SLC51B: variants seen among roughly 807,000 people sequenced by gnomAD.
SLC51B encodes the protein organic solute transporter subunit beta.
SLC51B carries 6 observed loss-of-function variants against 8.0 expected under a neutral mutation model. The ratio of observed to expected loss-of-function variants is 0.75; its 90% CI spans 0.41 to 1.48. The LOEUF is 1.48. Among genes scored for constraint, SLC51B ranks in the 40% most tolerant of loss-of-function variants. The pLI is 0.01. For synonymous variants in SLC51B, 61 were observed against 54.8 expected (o/e 1.11, Z -0.50); for missense variants, 150 against 149.7 (o/e 1.00, Z -0.01).
chr15:65,050,836 C>CTTTTT (rs57404080), intron 2 of SLC51B, among the ~76,000 whole-genome samples: 37 of 95,628 alleles, frequency 3.9e-4, no homozygotes, highest in Non-Finnish European at 4.5e-4. Flanking sequence ...TCTTCTTCTT[C>CTTTTT]TTTTTTTTTT....
At chr15:65,050,643 C>T (rs2086637321) in intron 2 of SLC51B, among the ~76,000 whole-genome samples, 1 of 152,072 alleles carries the variant, frequency 6.6e-6, no homozygotes, top group South Asian at 2.1e-4. Context: ...GGGGGAGGAA[C>T]ATTCCTGGAG....
In SLC51B at chr15:65,050,008, G is replaced by A; in HGVS notation, c.4G>A (p.Glu2Lys). The change falls in exon 2 of 4, where the codon GAG becomes AAG. Residue 2 changes from glutamate to lysine, a missense_variant. By Grantham distance (56) the Glu-to-Lys change is moderately conservative. Coordinates refer to ENST00000334287, the MANE Select transcript of SLC51B (RefSeq NM_178859.4). The part of the protein sequence containing the change: M[E>K]HSEGAPGDPA... Reference sequence around the variant, plus strand: ...ACACGCTACCAGGAGCAGGGGCATGGAGCACAGTGAGGGGGCTCCCGGAGA... The same window carrying A: ...ACACGCTACCAGGAGCAGGGGCATGAAGCACAGTGAGGGGGCTCCCGGAGA... 1 of 1,551,074 alleles carries A rather than the reference G, an allele frequency of 6.4e-7. No individual in the cohort carries two copies. Among genetic ancestry groups the A allele is most frequent in the South Asian group, 1.2e-5 (1 of 83,948 alleles).
intron 1 of SLC51B, among the ~76,000 whole-genome samples, chr15:65,046,937 C>T (rs1447245567): frequency 1.3e-5 from 2 of 151,700 alleles, no homozygotes; most frequent in African/African-American, 2.4e-5. Context: ...AAAAAAACAC[C>T]ACTCCACTGT....
At chr15:65,051,137 C>T (rs901448057) in intron 2 of SLC51B, among the ~76,000 whole-genome samples, 2 of 152,186 alleles carry the variant, frequency 1.3e-5, no homozygotes, top group Non-Finnish European at 2.9e-5. Flanking sequence ...AGCCACTGAG[C>T]CCAGCCTTCT....
chr15:65,046,930 A>AAACAAAT (rs2086584296), intron 1 of SLC51B, among the ~76,000 whole-genome samples: 1 of 152,052 alleles, frequency 6.6e-6, no homozygotes, highest in Non-Finnish European at 1.5e-5. Flanking sequence ...AAAAAACAAA[A>AAACAAAT]AAACACCACT....
chr15:65,053,279 T>C lies in SLC51B; in HGVS notation c.*115T>C. ...CCAAGAAGCCGCTTTTTTCTTTTTC[T>C]TTCTTTCTTTTTTTTTTTCTTAGCA... On this transcript the variant is annotated 3_prime_UTR_variant, in exon 4 of 4. Transcript: ENST00000334287. 1 of 1,441,586 alleles carries C rather than the reference T, an allele frequency of 6.9e-7. No homozygotes were observed. Among genetic ancestry groups the C allele is most frequent in the South Asian group, 1.5e-5 (1 of 66,968 alleles). 89.3% of individuals were successfully genotyped at this position (1,441,586 alleles called of 1,614,324 possible). A position where few individuals can be genotyped will look rare whatever the true frequency, so the allele number is the denominator to read the frequency against.
intron 3 of SLC51B, among the ~76,000 whole-genome samples, chr15:65,052,371 T>G (rs955930750): frequency 6.7e-6 from 1 of 149,230 alleles, no homozygotes; most frequent in Non-Finnish European, 1.5e-5. Flanking sequence ...GAGGCTTAAG[T>G]GCACACACTA....
chr15:65,050,140 C>A, intron 2 of SLC51B, 39 bp downstream of exon 2: 2 of 1,499,606 alleles, frequency 1.3e-6, no homozygotes, highest in East Asian at 2.5e-5. Context: ...TGGGGGTGTG[C>A]CCCTCAACAC....
intron 1 of SLC51B, chr15:65,049,434 C>T (rs1408017548): frequency 6.6e-6 from 1 of 152,104 alleles, no homozygotes; most frequent in Non-Finnish European, 1.5e-5. Flanking sequence ...TTTCCCTTTT[C>T]TCCTCTCTGT....
At position 65,049,944 on chromosome 15, in the gene SLC51B, G is replaced by A. The variant is rs2086627023; in HGVS notation, c.-61G>A. 6 of 1,370,342 alleles carry A rather than the reference G, an allele frequency of 4.4e-6. No homozygotes were observed. The South Asian group carries it at 7.9e-5, about 18-fold the overall frequency. The allele number at this position is 1,370,342 out of a possible 1,614,324, so 84.9% of individuals were successfully genotyped here. A position where few individuals can be genotyped will look rare whatever the true frequency, so the allele number is the denominator to read the frequency against. ...CAGGGGCCAGAACCGAGGAGGCCAG[G>A]AGGGCTGCTGGGGCTAAGGGGTCTA... On this transcript the variant is annotated 5_prime_UTR_variant, in exon 2 of 4. Transcript: ENST00000334287.
intron 1 of SLC51B, among the ~76,000 whole-genome samples, chr15:65,045,896 T>C (rs2086570699): frequency 1.3e-5 from 2 of 152,276 alleles, no homozygotes; most frequent in Non-Finnish European, 2.9e-5. Flanking sequence ...CCGGGCGCAG[T>C]GGCTCACGCC....
At position 65,046,636 on chromosome 15, in the gene SLC51B, G is replaced by T. The variant is rs548226647; in HGVS notation, c.-109+1054G>T. Among the ~76,000 whole-genome samples the T allele has an allele frequency of 2.6e-5, 4 of 152,296 alleles. No homozygotes were observed. In the South Asian group the frequency reaches 8.3e-4, roughly 32 times the overall value. Reference sequence around the variant, plus strand: ...ACATATTTTAAACATATTTTGGCCAGGCGCGGTGGCTCATGCCTGTAATCC... The same window carrying T: ...ACATATTTTAAACATATTTTGGCCATGCGCGGTGGCTCATGCCTGTAATCC... On this transcript the variant is annotated intron_variant, in intron 1 of 3. Transcript: ENST00000334287.
chr15:65,052,958 C>A lies in SLC51B; in HGVS notation c.189-8C>A. The A allele has an allele frequency of 1.4e-6, 2 of 1,453,762 alleles. No homozygotes were observed. The highest frequency in any genetic ancestry group is 1.9e-6 in the Non-Finnish European group (2 of 1,074,764). 90.1% of individuals were successfully genotyped at this position (1,453,762 alleles called of 1,614,324 possible). A position where few individuals can be genotyped will look rare whatever the true frequency, so the allele number is the denominator to read the frequency against. ...CCCCCTCATTAACACTGTTCCCTGT[C>A]CCCCCAGAAAAGAAAAGATGCAGCC... On this transcript the variant is annotated splice_polypyrimidine_tract_variant and splice_region_variant and intron_variant, in intron 3 of 3. Coordinates refer to ENST00000334287, the MANE Select transcript of SLC51B (RefSeq NM_178859.4).
intron 3 of SLC51B, among the ~76,000 whole-genome samples, chr15:65,052,527 A>G (rs1289913898): frequency 6.6e-6 from 1 of 151,300 alleles, no homozygotes; most frequent in Non-Finnish European, 1.5e-5. Context: ...CAGCCTCCCA[A>G]ATAGCTGCAA....
chr15:65,048,203 A>T (rs1456964034), intron 1 of SLC51B, among the ~76,000 whole-genome samples: 1 of 145,394 alleles, frequency 6.9e-6, no homozygotes, highest in African/African-American at 2.5e-5. Context: ...AAGAAAAAAA[A>T]AAAAGTCTAA....
At chr15:65,050,164 G>A (rs1024562947) in intron 2 of SLC51B, 63 bp downstream of exon 2, 2 of 1,371,948 alleles carry the variant, frequency 1.5e-6, no homozygotes, top group African/African-American at 2.9e-5. Flanking sequence ...GCAGAGTTTG[G>A]CTGAAGGTCC....
At position 65,051,499 on chromosome 15, in the gene SLC51B, G is replaced by C. The variant is rs371669975; in HGVS notation, c.98-16G>C. On this transcript the variant is annotated splice_polypyrimidine_tract_variant and intron_variant, in intron 2 of 3. Transcript: ENST00000334287. ...TGGCCATTCCTCAGGGCTCTGTCCT[G>C]TGTGTCCTTCCCCAGCATCTCCCTG... 73 of 1,612,694 alleles carry C rather than the reference G, an allele frequency of 4.5e-5. No individual in the cohort carries two copies. Among genetic ancestry groups the C allele is most frequent in the Non-Finnish European group, 6.0e-5 (71 of 1,179,128 alleles).
In SLC51B at chr15:65,053,255, C is replaced by G. The variant is rs1439980108; in HGVS notation, c.*91C>G. 6.7e-7 allele frequency: 1 copy of G among 1,501,104 alleles called. No individual in the cohort carries two copies. Among genetic ancestry groups the G allele is most frequent in the African/African-American group, 1.4e-5 (1 of 70,664 alleles). 93.0% of individuals were successfully genotyped at this position (1,501,104 alleles called of 1,614,324 possible). ...ACCTCTCAGGTTTTAGAGTCTCTCC[C>G]AAGAAGCCGCTTTTTTCTTTTTCTT... On this transcript the variant is annotated 3_prime_UTR_variant, in exon 4 of 4. Coordinates refer to ENST00000334287, the MANE Select transcript of SLC51B (RefSeq NM_178859.4).
At chr15:65,046,169 C>T (rs1056607370) in intron 1 of SLC51B, among the ~76,000 whole-genome samples, 7 of 152,170 alleles carry the variant, frequency 4.6e-5, no homozygotes, top group Non-Finnish European at 7.3e-5. Flanking sequence ...GATGTGGTGG[C>T]GGGCACCTAT....
Sources: gnomAD v4.1 joint callset for allele counts (sites outside exome capture counted in the v4.1 genomes callset) on GRCh38, gnomAD v4.1.1 for gene constraint, MANE v1.5 for transcripts, NCBI Gene and HGNC (gene_info 2026-07-23, HGNC 2026-07-21) for gene names.